Variants in ULK4 observed in about 807,000 individuals in gnomAD.
ULK4 encodes the protein unc-51 like kinase 4.
A neutral mutation model predicts 160.6 loss-of-function variants in ULK4; 133 were observed. The ratio of observed to expected loss-of-function variants is 0.83; its 90% CI spans 0.72 to 0.96. ULK4 has a LOEUF of 0.96. Among genes scored for constraint, ULK4 ranks in the 40% least tolerant of loss-of-function variants. The pLI, the probability that ULK4 is intolerant of heterozygous loss-of-function variation, is 0.00. For missense variants in ULK4, 1,580 were observed against 1,499.5 expected, an observed-to-expected ratio of 1.05 and a Z score of -0.89; for synonymous variants, 534 against 539.8, an observed-to-expected ratio of 0.99 and a Z score of 0.15.
chr3:41,562,941 A>G (rs1451448437), intron 32 of ULK4, among the ~76,000 whole-genome samples: 1 of 152,040 alleles, frequency 6.6e-6, no homozygotes, highest in Non-Finnish European at 1.5e-5. Flanking sequence ...AATTGATGTA[A>G]TTTCTTCATA....
chr3:41,321,111 G>C (rs2080237214), intron 35 of ULK4, among the ~76,000 whole-genome samples: 1 of 151,806 alleles, frequency 6.6e-6, no homozygotes, highest in African/African-American at 2.4e-5. Flanking sequence ...TTGCACCCCG[G>C]GAAGGTGCTT....
At chr3:41,849,584 A>G (rs531674315) in intron 17 of ULK4, among the ~76,000 whole-genome samples, 15 of 152,348 alleles carry the variant, frequency 9.8e-5, no homozygotes, top group Admixed American at 3.9e-4. Context: ...GTTTTAATAC[A>G]TTCTTCTCAA....
At position 41,473,532 on chromosome 3, in the gene ULK4, C is replaced by T. The variant is rs2084048547; in HGVS notation, c.3227-10279G>A. Reference sequence around the variant, plus strand: ...CAAAAATTAGCCGGGCATGGTGGAACATGCCTGTAATCCCAGCTACACAGG... The same window carrying T: ...CAAAAATTAGCCGGGCATGGTGGAATATGCCTGTAATCCCAGCTACACAGG... On this transcript the variant is annotated intron_variant, in intron 32 of 36. Transcript: ENST00000301831. 2.0e-5 allele frequency among the ~76,000 whole-genome samples: 3 copies of T among 151,592 alleles called. No individual in the cohort carries two copies. The South Asian group carries it at 6.2e-4, about 32-fold the overall frequency.
intron 34 of ULK4, among the ~76,000 whole-genome samples, chr3:41,433,447 C>T (rs1053256367): frequency 1.3e-5 from 2 of 152,262 alleles, no homozygotes; most frequent in East Asian, 3.9e-4. Flanking sequence ...AAATTCACAA[C>T]CTTTTACCTA....
intron 35 of ULK4, among the ~76,000 whole-genome samples, chr3:41,360,207 C>G (rs1325289836): frequency 6.6e-6 from 1 of 152,032 alleles, no homozygotes. Flanking sequence ...AAATCAAAAC[C>G]ACGATGAGAT....
chr3:41,265,697 A>T (rs2079019224), intron 35 of ULK4, among the ~76,000 whole-genome samples: 1 of 152,198 alleles, frequency 6.6e-6, no homozygotes, highest in African/African-American at 2.4e-5. Flanking sequence ...TTTTCAGAAA[A>T]TGAGCAGCCC....
chr3:41,755,964 C>A (rs2038786006), intron 21 of ULK4, among the ~76,000 whole-genome samples: 2 of 152,176 alleles, frequency 1.3e-5, no homozygotes, highest in African/African-American at 2.4e-5. Flanking sequence ...AACACAGATA[C>A]ACGCACACAC....
chr3:41,872,150 T>A (rs1193479133), intron 17 of ULK4, among the ~76,000 whole-genome samples: 1 of 152,216 alleles, frequency 6.6e-6, no homozygotes, highest in Non-Finnish European at 1.5e-5. Context: ...TCCTAAGGTG[T>A]GGCATGGCCC....
At chr3:41,844,796 A>G (rs1193219549) in intron 17 of ULK4, among the ~76,000 whole-genome samples, 9 of 152,006 alleles carry the variant, frequency 5.9e-5, no homozygotes, top group African/African-American at 2.2e-4. Context: ...TTTCTAAAAA[A>G]AAAAAAAAAA....
At chr3:41,799,113 G>C (rs977366462) in intron 20 of ULK4, among the ~76,000 whole-genome samples, 1 of 152,114 alleles carries the variant, frequency 6.6e-6, no homozygotes, top group Non-Finnish European at 1.5e-5. Flanking sequence ...GAGGGCATAA[G>C]GAAAGAACAC....
chr3:41,617,485 G>C (rs1405369641), intron 30 of ULK4, among the ~76,000 whole-genome samples: 1 of 151,446 alleles, frequency 6.6e-6, no homozygotes. Context: ...AACAGGGTCT[G>C]GAATGGACCT....
intron 2 of ULK4, among the ~76,000 whole-genome samples, chr3:41,947,950 A>T (rs1426822583): frequency 6.6e-6 from 1 of 152,164 alleles, no homozygotes; most frequent in Non-Finnish European, 1.5e-5. Context: ...ATAAATCAGG[A>T]ATAAGGCAAA....
At chr3:41,625,925 T>G (rs777046139) in intron 30 of ULK4, among the ~76,000 whole-genome samples, 4 of 152,238 alleles carry the variant, frequency 2.6e-5, no homozygotes, top group Non-Finnish European at 5.9e-5. Context: ...TTTTCTTCCT[T>G]TATTTTAGCC....
intron 35 of ULK4, among the ~76,000 whole-genome samples, chr3:41,292,660 A>C (rs1481347195): frequency 6.6e-6 from 1 of 152,090 alleles, no homozygotes; most frequent in Non-Finnish European, 1.5e-5. Flanking sequence ...GAAAAAGAAA[A>C]AAAGACCAGA....
chr3:41,639,001 G>A (rs990465633), intron 30 of ULK4, among the ~76,000 whole-genome samples: 6 of 152,106 alleles, frequency 3.9e-5, no homozygotes, highest in African/African-American at 1.2e-4. Context: ...AAAAGAAAGC[G>A]TAAATATTAA....
At chr3:41,706,526 G>A (rs1484216072) in intron 25 of ULK4, among the ~76,000 whole-genome samples, 1 of 150,906 alleles carries the variant, frequency 6.6e-6, no homozygotes, top group Non-Finnish European at 1.5e-5. Flanking sequence ...TTAGCCCACA[G>A]TAGAAATTGG....
rs778892087 is a variant in ULK4 at position 41,895,582 on chromosome 3, A to G, written c.1531-18T>C. On this transcript the variant is annotated intron_variant, in intron 15 of 36. Transcript: ENST00000301831. ...AATTGGAACTAGAATAAGAAATTTA[A>G]GTGTAAAGAAAAGAAAAAATTAAAA... 6.8e-7 allele frequency: 1 copy of G among 1,469,122 alleles called. No individual in the cohort carries two copies. 91.0% of individuals were successfully genotyped at this position (1,469,122 alleles called of 1,614,324 possible).
chr3:41,837,306 G>A (rs2041787857), intron 17 of ULK4, among the ~76,000 whole-genome samples: 2 of 152,120 alleles, frequency 1.3e-5, no homozygotes, highest in Non-Finnish European at 2.9e-5. Context: ...GTATACACCT[G>A]TGAAATCATC....
intron 30 of ULK4, among the ~76,000 whole-genome samples, chr3:41,654,849 A>G (rs998046447): frequency 6.6e-6 from 1 of 152,240 alleles, no homozygotes; most frequent in Non-Finnish European, 1.5e-5. Flanking sequence ...CTTGTATTTT[A>G]TTCTGCAGAG....
Sources: gnomAD v4.1 joint callset for allele counts (sites outside exome capture counted in the v4.1 genomes callset) on GRCh38, gnomAD v4.1.1 for gene constraint, MANE v1.5 for transcripts, NCBI Gene and HGNC (gene_info 2026-07-23, HGNC 2026-07-21) for gene names.